The following DSCAM variants were observed in gnomAD, a reference collection of about 807,000 sequenced individuals.
DSCAM encodes the protein DS cell adhesion molecule, also known as cell adhesion molecule DSCAM.
DSCAM carries 47 observed loss-of-function variants against 217.7 expected under a neutral mutation model. The observed-to-expected ratio is 0.22, with a 90% CI of 0.17 to 0.28. The LOEUF (loss-of-function observed/expected upper bound fraction) is 0.28, where lower values mean the gene tolerates loss of function less well. Among genes scored for constraint, DSCAM ranks in the 10% least tolerant of loss-of-function variants. The pLI, the probability that DSCAM is intolerant of heterozygous loss-of-function variation, is 1.00. For missense variants in DSCAM, 2,080 were observed against 2,618.3 expected (o/e 0.79, Z 4.49); for synonymous variants, 1,056 against 1,015.3 (o/e 1.04, Z -0.76).
chr21:40,468,902 G>T (rs1229346482), intron 3 of DSCAM, among the ~76,000 whole-genome samples: 2 of 152,158 alleles, frequency 1.3e-5, no homozygotes, highest in Non-Finnish European at 2.9e-5. Context: ...CAGCGGGAGA[G>T]AAAGGTGGAA....
At chr21:40,067,468 T>G (rs1206501070) in intron 27 of DSCAM, among the ~76,000 whole-genome samples, 1 of 152,220 alleles carries the variant, frequency 6.6e-6, no homozygotes, top group Non-Finnish European at 1.5e-5. Flanking sequence ...CTTCCCTAAT[T>G]TTTTAAGTGG....
intron 20 of DSCAM, among the ~76,000 whole-genome samples, chr21:40,096,579 A>G (rs2089680520): frequency 6.6e-6 from 1 of 152,182 alleles, no homozygotes; most frequent in Admixed American, 6.5e-5. Context: ...TGGAGTTCCT[A>G]AAGGAGGGGA....
At chr21:40,342,649 T>TATTA (rs1555907253) in intron 6 of DSCAM, among the ~76,000 whole-genome samples, 3 of 38,996 alleles carry the variant, frequency 7.7e-5, no homozygotes, top group Admixed American at 3.1e-4. Flanking sequence ...TATATATATA[T>TATTA]TTTTTTTTTT....
chr21:40,100,113 T>C (rs1472908371), intron 20 of DSCAM, among the ~76,000 whole-genome samples: 1 of 152,196 alleles, frequency 6.6e-6, no homozygotes, highest in Non-Finnish European at 1.5e-5. Context: ...AGGCATGAAA[T>C]GCCTCCAACA....
chr21:40,128,137 A>G (rs2090115750), intron 19 of DSCAM, among the ~76,000 whole-genome samples: 1 of 150,832 alleles, frequency 6.6e-6, no homozygotes, highest in South Asian at 2.1e-4. Context: ...GGGGTGATCT[A>G]TCAACGTCTG....
intron 11 of DSCAM, among the ~76,000 whole-genome samples, chr21:40,239,866 T>A (rs897299727): frequency 2.0e-5 from 3 of 152,206 alleles, no homozygotes; most frequent in African/African-American, 4.8e-5. Context: ...ATGTATTCCA[T>A]GCTTGTCTAA....
Position 40,124,177 on chromosome 21 carries a change from G to T in DSCAM, c.3696+18C>A, listed in dbSNP as rs760441082. 2 of 1,613,678 alleles carry T rather than the reference G, an allele frequency of 1.2e-6. No individual in the cohort carries two copies. Among genetic ancestry groups the T allele is most frequent in the Non-Finnish European group, 1.7e-6 (2 of 1,179,838 alleles). On this transcript the variant is annotated intron_variant, in intron 20 of 32. Transcript: ENST00000400454. ...CCTGGCAGACGCTTGAAAGGCACTT[G>T]GTTATTTACCAACTTACTGTGGGAT...
chr21:40,773,729 T>C (rs1601242745), intron 1 of DSCAM, among the ~76,000 whole-genome samples: 1 of 152,148 alleles, frequency 6.6e-6, no homozygotes. Flanking sequence ...GCCAAGACAC[T>C]GTGGTGGGCA....
intron 20 of DSCAM, among the ~76,000 whole-genome samples, chr21:40,095,253 T>A (rs368231926): frequency 1.3e-5 from 2 of 152,160 alleles, no homozygotes; most frequent in African/African-American, 4.8e-5. Flanking sequence ...ATGATTCAAT[T>A]ATCTCCCACC....
chr21:40,472,668 T>G (rs2075898436), intron 3 of DSCAM, among the ~76,000 whole-genome samples: 1 of 152,228 alleles, frequency 6.6e-6, no homozygotes, highest in Non-Finnish European at 1.5e-5. Flanking sequence ...TCGATTTGGT[T>G]TGTTTCACTT....
At chr21:40,603,144 ATTAAAT>A (rs2077074965) in intron 3 of DSCAM, among the ~76,000 whole-genome samples, 1 of 152,086 alleles carries the variant, frequency 6.6e-6, no homozygotes, top group Non-Finnish European at 1.5e-5. Flanking sequence ...TCTTTATGTT[ATTAAAT>A]TTAATTCCAT....
At chr21:40,053,811 C>T (rs373321006) in intron 29 of DSCAM, among the ~76,000 whole-genome samples, 1 of 152,274 alleles carries the variant, frequency 6.6e-6, no homozygotes, top group East Asian at 1.9e-4. Context: ...GTTAAGCCCC[C>T]CAGTGACCAG....
At chr21:40,375,725 A>G (rs1228116287) in intron 3 of DSCAM, among the ~76,000 whole-genome samples, 1 of 152,236 alleles carries the variant, frequency 6.6e-6, no homozygotes, top group Admixed American at 6.5e-5. Context: ...GTACTTGGCT[A>G]TGACATCCTA....
rs896950406 is a variant in DSCAM at position 40,584,126 on chromosome 21, A to G, written c.508+108684T>C. On this transcript the variant is annotated intron_variant, in intron 3 of 32. Coordinates refer to ENST00000400454, the MANE Select transcript of DSCAM (RefSeq NM_001389.5). Reference sequence around the variant, plus strand: ...CACTTCCCATATGTGCCATGGAAAAATCCATAAGAAAAGAAGCACAGAGAA... The same window carrying G: ...CACTTCCCATATGTGCCATGGAAAAGTCCATAAGAAAAGAAGCACAGAGAA... Among the ~76,000 whole-genome samples the G allele has an allele frequency of 3.9e-5, 6 of 152,198 alleles. 1 individual carries two copies. In the South Asian group the frequency reaches 1.2e-3, roughly 32 times the overall value.
chr21:40,080,714 GAC>G (rs985746787), intron 24 of DSCAM, among the ~76,000 whole-genome samples: 2 of 152,136 alleles, frequency 1.3e-5, no homozygotes, highest in African/African-American at 4.8e-5. Flanking sequence ...ATTTTTGCAA[GAC>G]ACTCGAATCT....
chr21:40,044,770 G>T (rs1470901826), intron 30 of DSCAM, among the ~76,000 whole-genome samples: 1 of 152,200 alleles, frequency 6.6e-6, no homozygotes, highest in Non-Finnish European at 1.5e-5. Flanking sequence ...GTTATGACCC[G>T]ATGCACATCA....
chr21:40,236,446 C>T (rs1158331105), intron 11 of DSCAM, among the ~76,000 whole-genome samples: 1 of 152,082 alleles, frequency 6.6e-6, no homozygotes, highest in African/African-American at 2.4e-5. Flanking sequence ...AAAATCTGTA[C>T]AGAACTTCCA....
intron 3 of DSCAM, among the ~76,000 whole-genome samples, chr21:40,630,381 C>A (rs1354292994): frequency 1.3e-5 from 2 of 152,176 alleles, no homozygotes; most frequent in African/African-American, 2.4e-5. Context: ...CAACAAAAAT[C>A]TCTGTCTCCA....
chr21:40,046,961 C>T (rs746133657), intron 30 of DSCAM, among the ~76,000 whole-genome samples: 56 of 152,014 alleles, frequency 3.7e-4, no homozygotes, highest in Non-Finnish European at 6.6e-4. Context: ...GGGAAAGTCG[C>T]ACATGCAGCC....
Sources: gnomAD v4.1 joint callset for allele counts (sites outside exome capture counted in the v4.1 genomes callset) on GRCh38, gnomAD v4.1.1 for gene constraint, MANE v1.5 for transcripts, NCBI Gene and HGNC (gene_info 2026-07-23, HGNC 2026-07-21) for gene names.